DGKD: variants seen among roughly 807,000 people sequenced by gnomAD.
The protein encoded by DGKD is DAG kinase delta.
Under a neutral mutation model 154.4 loss-of-function variants are expected in DGKD, and 68 were observed. The ratio of observed to expected loss-of-function variants is 0.44; its 90% CI spans 0.36 to 0.54. DGKD has a LOEUF of 0.54. Ranked by LOEUF, DGKD falls within the 20% of genes least tolerant of loss-of-function variation. DGKD has a pLI of 0.00. For missense variants in DGKD, 1,343 were observed against 1,593.6 expected, an observed-to-expected ratio of 0.84 and a Z score of 2.68; for synonymous variants, 693 against 638.0, an observed-to-expected ratio of 1.09 and a Z score of -1.30.
rs1010450400 is a variant in DGKD at position 233,459,423 on chromosome 2, C to T, written c.2695-334C>T. On this transcript the variant is annotated intron_variant, in intron 22 of 29. Transcript: ENST00000264057. The surrounding 1 kb of genome is among the most constrained non-coding windows in gnomAD (Gnocchi z 5.7). ...ATCTGCTCTTTTCTAGGGGTGTTTT[C>T]ACGTGGCAGGGGCCCAGTGGCTTCT... is the stretch of plus-strand genomic sequence containing the variant. 5.9e-5 allele frequency among the ~76,000 whole-genome samples: 9 copies of T among 152,130 alleles called. No homozygotes were observed. Among genetic ancestry groups the T allele is most frequent in the African/African-American group, 2.2e-4 (9 of 41,418 alleles).
At chr2:233,389,455 G>C (rs915824119) in intron 2 of DGKD, among the ~76,000 whole-genome samples, 1 of 151,832 alleles carries the variant, frequency 6.6e-6, no homozygotes, top group Non-Finnish European at 1.5e-5. Flanking sequence ...TGGTATTTAA[G>C]AAATCTGGAG....
At chr2:233,393,081 A>G (rs966324613) in intron 3 of DGKD, among the ~76,000 whole-genome samples, 1 of 151,950 alleles carries the variant, frequency 6.6e-6, no homozygotes, top group Non-Finnish European at 1.5e-5. Context: ...CTGGAGTGCA[A>G]TGACGTGATC....
Position 233,459,922 on chromosome 2 carries a change from G to T in DGKD, c.2829+31G>T. ...AGCGGCTGCCCGCGGTACCTGGGTG[G>T]GGTACAGGGCTCACCTGTGGGCTCT... On this transcript the variant is annotated intron_variant, in intron 23 of 29. Coordinates refer to ENST00000264057, the MANE Select transcript of DGKD (RefSeq NM_152879.3). The surrounding 1 kb of genome is among the most constrained non-coding windows in gnomAD (Gnocchi z 5.7). 1 of 1,609,174 alleles carries T rather than the reference G, an allele frequency of 6.2e-7. No individual in the cohort carries two copies. Among genetic ancestry groups the T allele is most frequent in the Non-Finnish European group, 8.5e-7 (1 of 1,177,288 alleles).
rs141038351 is a variant in DGKD, at chr2:233,358,546, C to T, written c.156+3872C>T. On this transcript the variant is annotated intron_variant, in intron 1 of 29. Coordinates refer to ENST00000264057, the MANE Select transcript of DGKD (RefSeq NM_152879.3). ...ACCATCACCACAGTCAATTTTAGAA[C>T]ATTTTCATCACCCCGTTTCCTCTCA... Among the ~76,000 whole-genome samples, 40 of 152,318 alleles carry T rather than the reference C, an allele frequency of 2.6e-4. No individual in the cohort carries two copies. In the East Asian group the frequency reaches 6.6e-3, roughly 25 times the overall value.
intron 19 of DGKD, among the ~76,000 whole-genome samples, chr2:233,456,350 G>A (rs367597507): frequency 6.6e-6 from 1 of 152,190 alleles, no homozygotes; most frequent in African/African-American, 2.4e-5. Context: ...AAGCATTGCC[G>A]GCGCAGGGTA....
chr2:233,443,460 T>TG (rs1345780575), intron 10 of DGKD, among the ~76,000 whole-genome samples: 8 of 152,242 alleles, frequency 5.3e-5, no homozygotes. Context: ...ACATCCTTTT[T>TG]GGGGGGTGGT....
chr2:233,440,551 A>G lies in DGKD; in HGVS notation c.1086-1336A>G, dbSNP rs571637761. 6.6e-6 allele frequency among the ~76,000 whole-genome samples: 1 copy of G among 152,290 alleles called. No individual in the cohort carries two copies. Among genetic ancestry groups the G allele is most frequent in the South Asian group, 2.1e-4 (1 of 4,822 alleles). ...TCCTTCCACGTCTCCCCGAGCTGGC[A>G]TCCGAGGAGCTCTAGTGTTCTGAAG... On this transcript the variant is annotated intron_variant, in intron 9 of 29. Coordinates refer to ENST00000264057, the MANE Select transcript of DGKD (RefSeq NM_152879.3). This position sits in a 1 kb window ranked among gnomAD's most constrained non-coding sequence, Gnocchi z 4.9.
intron 1 of DGKD, among the ~76,000 whole-genome samples, chr2:233,362,126 G>A (rs1402818792): frequency 6.6e-6 from 1 of 152,102 alleles, no homozygotes; most frequent in East Asian, 1.9e-4. Context: ...AATTGAAAAA[G>A]CATAGTGATC....
chr2:233,451,677 C>T (rs556994716), intron 17 of DGKD, among the ~76,000 whole-genome samples: 4 of 152,012 alleles, frequency 2.6e-5, no homozygotes, highest in East Asian at 1.9e-4. Flanking sequence ...AGTGATCCTC[C>T]CCACTCAGCC....
rs974752047 is a variant in DGKD, at chr2:233,461,804, G to A, written c.2982-544G>A. Among the ~76,000 whole-genome samples, 7 of 152,226 alleles carry A rather than the reference G, an allele frequency of 4.6e-5. 1 individual carries two copies. Among genetic ancestry groups the A allele is most frequent in the African/African-American group, 1.2e-4 (5 of 41,446 alleles). On this transcript the variant is annotated intron_variant, in intron 24 of 29. Coordinates refer to ENST00000264057, the MANE Select transcript of DGKD (RefSeq NM_152879.3). ...ACTGCTCCTATAGTCTCTGTCCCCC[G>A]ATCTCACCTGCCTGAGCCACATCTC...
At chr2:233,399,704 G>C (rs59768987) in intron 3 of DGKD, among the ~76,000 whole-genome samples, 2,243 of 152,300 alleles carry the variant, frequency 0.015, 54 homozygotes, top group African/African-American at 0.051. Context: ...AAGCAGGGTG[G>C]TAAAGTTGGG....
intron 27 of DGKD, 140 bp downstream of exon 27, chr2:233,464,423 T>C (rs2063765679): frequency 9.3e-7 from 1 of 1,070,012 alleles, no homozygotes; most frequent in Non-Finnish European, 1.4e-6. Context: ...TTCTCCAGAC[T>C]TCGCTATTAA....
intron 2 of DGKD, 106 bp downstream of exon 2, chr2:233,388,473 A>T: frequency 1.5e-5 from 17 of 1,102,588 alleles, no homozygotes; most frequent in Non-Finnish European, 1.9e-5. Flanking sequence ...CAATTCTCAG[A>T]TCTGTTATTG....
At position 233,449,552 on chromosome 2, in the gene DGKD, C is replaced by G. The variant is rs1318760871; in HGVS notation, c.1888+176C>G. ...GAGTTCGCTTGCCCTCCTTCCACCCCTCCTCTCACACCCTCAGACCCCTTC... is the reference window on the plus strand; with the variant it reads ...GAGTTCGCTTGCCCTCCTTCCACCCGTCCTCTCACACCCTCAGACCCCTTC... On this transcript the variant is annotated intron_variant, in intron 15 of 29. Transcript: ENST00000264057. The surrounding 1 kb of genome is among the most constrained non-coding windows in gnomAD (Gnocchi z 5.3). 6.6e-6 allele frequency among the ~76,000 whole-genome samples: 1 copy of G among 152,198 alleles called. No homozygotes were observed. Among genetic ancestry groups the G allele is most frequent in the Non-Finnish European group, 1.5e-5 (1 of 68,032 alleles).
intron 27 of DGKD, 99 bp from the exon 28 acceptor site, chr2:233,466,987 C>A (rs2063842815): frequency 1.1e-6 from 1 of 930,124 alleles, no homozygotes; most frequent in South Asian, 1.4e-5. Context: ...TCCCGCTCAT[C>A]TCAGCCCTGC....
chr2:233,419,052 T>A (rs1280129712), intron 3 of DGKD, among the ~76,000 whole-genome samples: 3 of 152,078 alleles, frequency 2.0e-5, no homozygotes, highest in Admixed American at 2.0e-4. Flanking sequence ...GGTAGGGAAT[T>A]GTGTACGGGG....
chr2:233,460,602 C>T (rs541718108), intron 24 of DGKD, among the ~76,000 whole-genome samples: 4 of 152,238 alleles, frequency 2.6e-5, no homozygotes, highest in East Asian at 1.9e-4. Context: ...AAAACCTGCC[C>T]GGGCTCAGCC....
chr2:233,385,891 CCA>C (rs1703144802), intron 1 of DGKD: 2 of 439,632 alleles, frequency 4.5e-6, no homozygotes, highest in Non-Finnish European at 9.2e-6. Context: ...CTGAAACCCA[CCA>C]GTCTTTTTCT....
chr2:233,466,035 A>G (rs1429214369), intron 27 of DGKD, among the ~76,000 whole-genome samples: 1 of 152,160 alleles, frequency 6.6e-6, no homozygotes, highest in Admixed American at 6.5e-5. Context: ...TGACAGTTAT[A>G]ATAGTCACGA....
Sources: gnomAD v4.1 joint callset for allele counts (sites outside exome capture counted in the v4.1 genomes callset) on GRCh38, gnomAD v4.1.1 for gene constraint, Gnocchi (gnomAD v3.1) non-coding constraint, MANE v1.5 for transcripts, NCBI Gene and HGNC (gene_info 2026-07-23, HGNC 2026-07-21) for gene names.